LRP1B: variants seen among roughly 807,000 people sequenced by gnomAD.
LRP1B encodes low-density lipoprotein receptor-related protein 1B.
In LRP1B, 217 loss-of-function variants were observed where a neutral mutation model predicts 556.6. The observed-to-expected ratio is 0.39, with a 90% CI of 0.35 to 0.44. The LOEUF is 0.44. Ranked by LOEUF, LRP1B falls within the 20% of genes least tolerant of loss-of-function variation. The pLI is 1.00. For synonymous variants in LRP1B, 2,047 were observed against 1,865.8 expected, an observed-to-expected ratio of 1.10 and a Z score of -2.50; for missense variants, 5,053 against 5,620.8, an observed-to-expected ratio of 0.90 and a Z score of 3.23.
At chr2:141,791,203 A>G (rs1396900082) in intron 2 of LRP1B, among the ~76,000 whole-genome samples, 1 of 152,066 alleles carries the variant, frequency 6.6e-6, no homozygotes, top group African/African-American at 2.4e-5. Flanking sequence ...GAAAAATAGT[A>G]AAAAGAGAGA....
rs139888677 is a variant in LRP1B at position 140,882,879 on chromosome 2, T to C, written c.4169+938A>G. ...TCATTGGTGCTCCCTGGACTTGATA[T>C]TACCTAAAGGTACAAACCTCCTAAA... On this transcript the variant is annotated intron_variant, in intron 25 of 90. Coordinates refer to ENST00000389484, the MANE Select transcript of LRP1B (RefSeq NM_018557.3). Among the ~76,000 whole-genome samples, 12 of 152,266 alleles carry C rather than the reference T, an allele frequency of 7.9e-5. No homozygotes were observed. The East Asian group carries it at 2.3e-3, about 29-fold the overall frequency.
chr2:140,313,619 TTAAA>T (rs1412547717), intron 83 of LRP1B, among the ~76,000 whole-genome samples: 2 of 151,918 alleles, frequency 1.3e-5, no homozygotes, highest in African/African-American at 2.4e-5. Context: ...AAGTTACTAA[TTAAA>T]TAATAAAATT....
intron 1 of LRP1B, among the ~76,000 whole-genome samples, chr2:141,936,520 C>T (rs760248163): frequency 6.6e-6 from 1 of 152,168 alleles, no homozygotes; most frequent in Non-Finnish European, 1.5e-5. Context: ...GCCGAATAAA[C>T]CAACTCTGCC....
chr2:140,536,285 G>A (rs1690964165), intron 46 of LRP1B, among the ~76,000 whole-genome samples: 1 of 125,060 alleles, frequency 8.0e-6, no homozygotes, highest in Admixed American at 9.7e-5. Context: ...GACCAGTCTG[G>A]GCAACACAAT....
At chr2:140,530,123 G>T (rs1690624051) in intron 47 of LRP1B, among the ~76,000 whole-genome samples, 1 of 152,090 alleles carries the variant, frequency 6.6e-6, no homozygotes, top group South Asian at 2.1e-4. Flanking sequence ...TAGTACTTTA[G>T]ATAATTTACA....
At chr2:141,412,004 T>C (rs1690870099) in intron 3 of LRP1B, among the ~76,000 whole-genome samples, 1 of 152,022 alleles carries the variant, frequency 6.6e-6, no homozygotes. Flanking sequence ...TGTCTTGAAA[T>C]ATAAAAAGGA....
intron 3 of LRP1B, among the ~76,000 whole-genome samples, chr2:141,267,951 TC>T (rs1684952289): frequency 6.6e-6 from 1 of 152,196 alleles, no homozygotes; most frequent in Admixed American, 6.5e-5. Flanking sequence ...TTTGATTTTT[TC>T]ATATTTAGTA....
chr2:140,285,164 T>C (rs2104974006), intron 84 of LRP1B, among the ~76,000 whole-genome samples: 1 of 150,584 alleles, frequency 6.6e-6, no homozygotes, highest in African/African-American at 2.4e-5. Context: ...TATGTGTGTG[T>C]AGATACATAT....
intron 84 of LRP1B, among the ~76,000 whole-genome samples, chr2:140,277,459 C>T (rs1460331374): frequency 6.6e-6 from 1 of 151,652 alleles, no homozygotes; most frequent in African/African-American, 2.4e-5. Flanking sequence ...TGGTGGTGGG[C>T]ACCTGTAATG....
intron 2 of LRP1B, among the ~76,000 whole-genome samples, chr2:141,715,019 G>A (rs747140975): frequency 2.2e-4 from 34 of 152,154 alleles, no homozygotes; most frequent in Admixed American, 5.9e-4. Flanking sequence ...CCAGGCATTC[G>A]TTCACCAAAA....
Position 140,701,838 on chromosome 2 carries a change from C to T in LRP1B, c.6310G>A (p.Ala2104Thr), listed in dbSNP as rs1208464497. ...AYIYWSDRAH[A>T]NGSVRRGHKN... Reference sequence around the variant, plus strand: ...TGGCCCCTTCTGACAGACCCGTTTGCATGTGCTCTGCCAAAAAGTTGAACA... The same window carrying T: ...TGGCCCCTTCTGACAGACCCGTTTGTATGTGCTCTGCCAAAAAGTTGAACA... The change falls in exon 40 of 91, where the codon GCA (alanine) becomes ACA (threonine). Residue 2104 changes from alanine (A) to threonine (T), a missense_variant. Physicochemically the swap from Ala to Thr is moderately conservative, Grantham distance 58. Coordinates refer to ENST00000389484, the MANE Select transcript of LRP1B (RefSeq NM_018557.3). The T allele has an allele frequency of 6.2e-7, 1 of 1,612,888 alleles. No individual in the cohort carries two copies. The highest frequency in any genetic ancestry group is 8.5e-7 in the Non-Finnish European group (1 of 1,179,290).
intron 3 of LRP1B, among the ~76,000 whole-genome samples, chr2:141,338,424 C>T (rs1395269399): frequency 6.6e-6 from 1 of 152,158 alleles, no homozygotes; most frequent in Non-Finnish European, 1.5e-5. Flanking sequence ...CATCATATGG[C>T]TCTGTGCTGC....
intron 2 of LRP1B, among the ~76,000 whole-genome samples, chr2:141,665,692 G>T (rs1457534772): frequency 3.9e-5 from 6 of 152,102 alleles, no homozygotes; most frequent in Admixed American, 3.9e-4. Flanking sequence ...GCGCATCAAT[G>T]ATAGACTGGA....
chr2:141,507,277 GA>G (rs1683967616), intron 2 of LRP1B, among the ~76,000 whole-genome samples: 1 of 152,006 alleles, frequency 6.6e-6, no homozygotes, highest in African/African-American at 2.4e-5. Context: ...ATACAAAAAT[GA>G]CTAACCCAGA....
chr2:140,716,927 G>A (rs1687233789), intron 35 of LRP1B, 111 bp from the exon 36 acceptor site: 2 of 491,198 alleles, frequency 4.1e-6, no homozygotes, highest in South Asian at 1.3e-4. Context: ...TCCTGGGTAT[G>A]CTAGATTTTT....
chr2:141,838,278 T>A (rs932613853), intron 1 of LRP1B, among the ~76,000 whole-genome samples: 1 of 152,106 alleles, frequency 6.6e-6, no homozygotes, highest in Non-Finnish European at 1.5e-5. Flanking sequence ...GTGAATAAAG[T>A]AGCACCAAAA....
chr2:141,244,584 T>C (rs1573704300), intron 5 of LRP1B, among the ~76,000 whole-genome samples: 2 of 152,164 alleles, frequency 1.3e-5, no homozygotes, highest in East Asian at 3.9e-4. Flanking sequence ...ATAGCCACAT[T>C]ACTGTATAAC....
At chr2:141,310,394 T>C (rs747892197) in intron 3 of LRP1B, among the ~76,000 whole-genome samples, 2 of 152,180 alleles carry the variant, frequency 1.3e-5, no homozygotes, top group Non-Finnish European at 2.9e-5. Context: ...TATTAGTGCA[T>C]ACCTCGTAGG....
intron 76 of LRP1B, 37 bp from the exon 77 acceptor site, chr2:140,351,075 A>C (rs767159400): frequency 1.5e-6 from 2 of 1,292,206 alleles, no homozygotes; most frequent in Non-Finnish European, 2.2e-6. Context: ...AAATAAAGTA[A>C]ATTTCAACTA....
Sources: gnomAD v4.1 joint callset for allele counts (sites outside exome capture counted in the v4.1 genomes callset) on GRCh38, gnomAD v4.1.1 for gene constraint, MANE v1.5 for transcripts, NCBI Gene and HGNC (gene_info 2026-07-23, HGNC 2026-07-21) for gene names.